Variants in RBFOX1 observed in about 807,000 individuals in gnomAD.
RBFOX1 encodes RNA binding fox-1 homolog 1, also known as RNA binding protein fox-1 homolog 1.
RBFOX1 carries 8 observed loss-of-function variants against 57.7 expected under a neutral mutation model. The observed-to-expected ratio is 0.14, with a 90% CI of 0.08 to 0.25. The LOEUF is 0.25. Ranked by LOEUF, RBFOX1 falls within the 10% of genes least tolerant of loss-of-function variation. The probability of loss-of-function intolerance (pLI) is 1.00; values close to 1 mark genes in which losing one functional copy is unlikely to be tolerated. For missense variants in RBFOX1, 611 were observed against 548.5 expected (o/e 1.11, Z -1.14); for synonymous variants, 326 against 222.4 (o/e 1.47, Z -4.15).
intron 2 of RBFOX1, among the ~76,000 whole-genome samples, chr16:6,449,574 T>G (rs1284024043): frequency 6.6e-6 from 1 of 152,188 alleles, no homozygotes; most frequent in Non-Finnish European, 1.5e-5. Context: ...CCTTTTCCAC[T>G]GCACACAGAG....
At chr16:5,522,154 C>A (rs78266523) in intron 2 of RBFOX1, among the ~76,000 whole-genome samples, 3,982 of 152,328 alleles carry the variant, frequency 0.026, 175 homozygotes, top group African/African-American at 0.09. Flanking sequence ...AGCTCAGCTC[C>A]TCTCCATTTT....
At chr16:6,651,056 A>G (rs886602106) in intron 2 of RBFOX1, among the ~76,000 whole-genome samples, 1 of 152,108 alleles carries the variant, frequency 6.6e-6, no homozygotes, top group Non-Finnish European at 1.5e-5. Flanking sequence ...GCGTGCACCA[A>G]CAAGCCCAGC....
At position 6,443,145 on chromosome 16, in the gene RBFOX1, C is replaced by A. The variant is rs993174117; in HGVS notation, c.-64+126088C>A. On this transcript the variant is annotated intron_variant, in intron 2 of 15. Transcript: ENST00000550418. Reference sequence around the variant, plus strand: ...CCTACTGCCTGTTTTTCACATAGGCCTGGGTGAGCTATTGTATCCCTTCCA... The same window carrying A: ...CCTACTGCCTGTTTTTCACATAGGCATGGGTGAGCTATTGTATCCCTTCCA... Among the ~76,000 whole-genome samples, 15 of 152,126 alleles carry A rather than the reference C, an allele frequency of 9.9e-5. 1 individual carries two copies. Among genetic ancestry groups the A allele is most frequent in the Admixed American group, 9.2e-4 (14 of 15,258 alleles).
chr16:5,285,865 G>C (rs1285208846), intron 1 of RBFOX1, among the ~76,000 whole-genome samples: 2 of 152,070 alleles, frequency 1.3e-5, no homozygotes, highest in South Asian at 4.1e-4. Flanking sequence ...TCTGCCTCCC[G>C]GGTTCAAGCG....
intron 3 of RBFOX1, among the ~76,000 whole-genome samples, chr16:7,014,618 T>C (rs1313341845): frequency 6.6e-6 from 1 of 152,098 alleles, no homozygotes; most frequent in African/African-American, 2.4e-5. Flanking sequence ...AAAATACATT[T>C]AAAAGGTTGG....
chr16:7,060,209 C>T (rs2053821626), intron 4 of RBFOX1, among the ~76,000 whole-genome samples: 1 of 152,080 alleles, frequency 6.6e-6, no homozygotes, highest in African/African-American at 2.4e-5. Flanking sequence ...CATAATAGCA[C>T]AAAAGCAGCC....
At chr16:6,301,387 A>G (rs2078805051) in intron 1 of RBFOX1, among the ~76,000 whole-genome samples, 1 of 152,176 alleles carries the variant, frequency 6.6e-6, no homozygotes, top group Non-Finnish European at 1.5e-5. Flanking sequence ...AGGATTAAAG[A>G]CTGCTTTCTT....
At chr16:7,064,819 A>G (rs2055543576) in intron 4 of RBFOX1, among the ~76,000 whole-genome samples, 1 of 152,212 alleles carries the variant, frequency 6.6e-6, no homozygotes, top group African/African-American at 2.4e-5. Context: ...GTGTATTGGT[A>G]CCTCTGATTT....
intron 3 of RBFOX1, among the ~76,000 whole-genome samples, chr16:5,859,394 T>G (rs1365294943): frequency 1.3e-5 from 2 of 152,202 alleles, no homozygotes; most frequent in Non-Finnish European, 2.9e-5. Flanking sequence ...CCATTGAATA[T>G]ACATAAAACA....
At position 7,064,490 on chromosome 16, in the gene RBFOX1, A is replaced by G. The variant is rs74250043; in HGVS notation, c.27+12392A>G. The stretch of plus-strand genomic sequence containing the variant: ...GGCTGGGTGGTGTTCTTATAAGAAG[A>G]GGAGATTAGGACATAGACACGCACA... On this transcript the variant is annotated intron_variant, in intron 4 of 15. Transcript: ENST00000550418. Among the ~76,000 whole-genome samples, 83 of 152,068 alleles carry G rather than the reference A, an allele frequency of 5.5e-4. 1 individual carries two copies. The East Asian group carries it at 0.015, about 28-fold the overall frequency.
At chr16:7,699,137 A>G (rs541938524) in intron 14 of RBFOX1, among the ~76,000 whole-genome samples, 34 of 152,308 alleles carry the variant, frequency 2.2e-4, no homozygotes, top group African/African-American at 7.9e-4. Context: ...GTTGCCCCAG[A>G]TAATTGTAAT....
rs114214815 is a variant in RBFOX1, at chr16:7,575,849, C to T, written c.271-3928C>T. Among the ~76,000 whole-genome samples, 1,177 of 152,282 alleles carry T rather than the reference C, an allele frequency of 7.7e-3. 16 individuals are homozygous for T. The highest frequency in any genetic ancestry group is 0.026 in the African/African-American group (1,095 of 41,568). On this transcript the variant is annotated intron_variant, in intron 5 of 15. Coordinates refer to ENST00000550418, the MANE Select transcript of RBFOX1 (RefSeq NM_018723.4). ...TGTGATGATCTCTAACCCCAACATG[C>T]GTTAGGCTCTGAGGTAGCTGCTCTG... is the stretch of plus-strand genomic sequence containing the variant.
At chr16:7,513,706 C>T (rs2075725529) in intron 4 of RBFOX1, among the ~76,000 whole-genome samples, 1 of 152,140 alleles carries the variant, frequency 6.6e-6, no homozygotes, top group South Asian at 2.1e-4. Flanking sequence ...ATGAGGCGCC[C>T]AGCACAGTGC....
chr16:7,489,288 G>A (rs1000774516), intron 4 of RBFOX1, among the ~76,000 whole-genome samples: 3 of 152,102 alleles, frequency 2.0e-5, no homozygotes, highest in Non-Finnish European at 4.4e-5. Flanking sequence ...TTTTGGTTAA[G>A]CATTTACTAA....
At chr16:7,046,330 G>C (rs767909848) in intron 3 of RBFOX1, among the ~76,000 whole-genome samples, 4 of 151,636 alleles carry the variant, frequency 2.6e-5, no homozygotes, top group South Asian at 2.1e-4. Context: ...TTTTCTTAAA[G>C]GTTGTGTTAT....
chr16:7,197,193 T>C (rs1364679875), intron 4 of RBFOX1, among the ~76,000 whole-genome samples: 1 of 152,166 alleles, frequency 6.6e-6, no homozygotes, highest in Non-Finnish European at 1.5e-5. Context: ...TAAGTACAGA[T>C]GTGGCTCTTC....
At chr16:7,006,181 T>C (rs2153644625) in intron 3 of RBFOX1, among the ~76,000 whole-genome samples, 1 of 152,256 alleles carries the variant, frequency 6.6e-6, no homozygotes, top group South Asian at 2.1e-4. Context: ...AGATGGAGTC[T>C]CACTCTGTTT....
intron 14 of RBFOX1, among the ~76,000 whole-genome samples, chr16:7,682,320 G>A (rs2074971678): frequency 1.3e-5 from 2 of 151,968 alleles, no homozygotes; most frequent in African/African-American, 4.8e-5. Context: ...TGCCAGAGAT[G>A]GTATTCTCAG....
intron 1 of RBFOX1, among the ~76,000 whole-genome samples, chr16:6,078,615 A>C (rs955843720): frequency 1.3e-5 from 2 of 152,174 alleles, no homozygotes; most frequent in Admixed American, 6.5e-5. Context: ...TCTCCTTTAG[A>C]TGCTGCTGCA....
Sources: gnomAD v4.1 joint callset for allele counts (sites outside exome capture counted in the v4.1 genomes callset) on GRCh38, gnomAD v4.1.1 for gene constraint, MANE v1.5 for transcripts, NCBI Gene and HGNC (gene_info 2026-07-23, HGNC 2026-07-21) for gene names.